Variants in NRG3 observed in about 807,000 individuals in gnomAD.
The protein encoded by NRG3 is pro-neuregulin-3, membrane-bound isoform.
NRG3 carries 31 observed loss-of-function variants against 66.9 expected under a neutral mutation model. That is an observed-to-expected ratio of 0.46 (90% confidence interval 0.35 to 0.63). NRG3 has a LOEUF of 0.63. NRG3 is among the 20% of genes least tolerant of loss of function. NRG3 has a pLI of 0.00. For missense variants in NRG3, 910 were observed against 878.9 expected, an observed-to-expected ratio of 1.04 and a Z score of -0.45; for synonymous variants, 393 against 359.4, an observed-to-expected ratio of 1.09 and a Z score of -1.06.
chr10:82,815,620 A>C (rs964315581), intron 3 of NRG3, among the ~76,000 whole-genome samples: 1 of 152,018 alleles, frequency 6.6e-6, no homozygotes, highest in African/African-American at 2.4e-5. Flanking sequence ...TCTCATTGTA[A>C]CATGTGTATA....
chr10:82,749,475 T>C (rs17100701), intron 3 of NRG3, among the ~76,000 whole-genome samples: 8,289 of 152,180 alleles, frequency 0.054, 687 homozygotes, highest in African/African-American at 0.18. Context: ...ATGTGAGCAA[T>C]CTTAGTAGGG....
chr10:82,781,346 TC>T (rs1261523982), intron 3 of NRG3, among the ~76,000 whole-genome samples: 2 of 152,174 alleles, frequency 1.3e-5, no homozygotes, highest in African/African-American at 4.8e-5. Context: ...TTCAGTTAAT[TC>T]CCATCACTCT....
At chr10:82,721,027 T>C (rs891243216) in intron 2 of NRG3, among the ~76,000 whole-genome samples, 1 of 150,944 alleles carries the variant, frequency 6.6e-6, no homozygotes, top group African/African-American at 2.4e-5. Context: ...TATTTAATTT[T>C]TGCCAACTTA....
At chr10:82,230,736 G>A (rs1280948281) in intron 1 of NRG3, among the ~76,000 whole-genome samples, 3 of 152,032 alleles carry the variant, frequency 2.0e-5, no homozygotes, top group African/African-American at 7.2e-5. Context: ...GAATGAAAAT[G>A]TTACAAAGAA....
intron 1 of NRG3, among the ~76,000 whole-genome samples, chr10:81,892,238 G>A (rs2132566678): frequency 6.6e-6 from 1 of 151,954 alleles, no homozygotes; most frequent in East Asian, 1.9e-4. Context: ...GTATGTCTGT[G>A]CATTATACAC....
chr10:82,070,419 C>T (rs2064741270), intron 1 of NRG3, among the ~76,000 whole-genome samples: 2 of 152,122 alleles, frequency 1.3e-5, no homozygotes, highest in Admixed American at 1.3e-4. Context: ...AAAATAAAGT[C>T]TGAGGAAAAT....
chr10:82,598,190 C>T (rs1251143816), intron 2 of NRG3, among the ~76,000 whole-genome samples: 1 of 152,188 alleles, frequency 6.6e-6, no homozygotes, highest in Non-Finnish European at 1.5e-5. Context: ...ATTTTGAAAA[C>T]TGTCCTTGTA....
intron 4 of NRG3, among the ~76,000 whole-genome samples, chr10:82,891,222 G>T (rs756938004): frequency 4.9e-4 from 74 of 151,672 alleles, no homozygotes; most frequent in Middle Eastern, 3.5e-3. Context: ...AGTTTGAAAA[G>T]TATTGATAAA....
At chr10:82,066,160 AT>A (rs1279199426) in intron 1 of NRG3, among the ~76,000 whole-genome samples, 1 of 152,056 alleles carries the variant, frequency 6.6e-6, no homozygotes, top group East Asian at 1.9e-4. Context: ...TAGTTTCTTT[AT>A]TTTGCCTAAA....
At chr10:82,436,811 A>G (rs1351771327) in intron 2 of NRG3, among the ~76,000 whole-genome samples, 1 of 152,130 alleles carries the variant, frequency 6.6e-6, no homozygotes, top group Non-Finnish European at 1.5e-5. Flanking sequence ...GTTTTGCTGG[A>G]TATGAAATTC....
chr10:82,561,907 A>T (rs1367376710), intron 2 of NRG3, among the ~76,000 whole-genome samples: 1 of 152,194 alleles, frequency 6.6e-6, no homozygotes, highest in Non-Finnish European at 1.5e-5. Context: ...CTTCAATATG[A>T]GGGCAATAGG....
At chr10:82,502,204 A>G (rs1844261221) in intron 2 of NRG3, among the ~76,000 whole-genome samples, 1 of 152,168 alleles carries the variant, frequency 6.6e-6, no homozygotes, top group Non-Finnish European at 1.5e-5. Context: ...TAGCAATCTA[A>G]AAGTCTCTAG....
chr10:81,948,276 A>G (rs773227264), intron 1 of NRG3, among the ~76,000 whole-genome samples: 1 of 152,190 alleles, frequency 6.6e-6, no homozygotes, highest in African/African-American at 2.4e-5. Context: ...TCCCCTACTC[A>G]GGCATAGCCT....
intron 1 of NRG3, among the ~76,000 whole-genome samples, chr10:82,018,759 T>G (rs1214314631): frequency 6.6e-6 from 1 of 152,274 alleles, no homozygotes. Flanking sequence ...TGTATAAGAA[T>G]GCTTGTGATT....
At chr10:82,947,909 A>G (rs1303035437) in intron 4 of NRG3, among the ~76,000 whole-genome samples, 6 of 152,194 alleles carry the variant, frequency 3.9e-5, no homozygotes, top group African/African-American at 1.4e-4. Context: ...GCAAATGTTA[A>G]TGTTGATAGA....
chr10:82,839,141 A>T (rs956658006), intron 3 of NRG3, among the ~76,000 whole-genome samples: 1 of 152,210 alleles, frequency 6.6e-6, no homozygotes, highest in African/African-American at 2.4e-5. Context: ...CTATATAATC[A>T]TCATCCAAAC....
chr10:82,346,276 G>C (rs1439473787), intron 1 of NRG3, among the ~76,000 whole-genome samples: 7 of 149,852 alleles, frequency 4.7e-5, no homozygotes, highest in East Asian at 3.9e-4. Flanking sequence ...TAGCATGAAG[G>C]GTTGTTGAAT....
At chr10:82,750,965 G>A (rs2058838526) in intron 3 of NRG3, among the ~76,000 whole-genome samples, 1 of 152,108 alleles carries the variant, frequency 6.6e-6, no homozygotes, top group African/African-American at 2.4e-5. Context: ...AGTACAGTTT[G>A]GGGTAAAATC....
At chr10:82,397,381 C>G (rs982882880) in intron 2 of NRG3, among the ~76,000 whole-genome samples, 2 of 152,114 alleles carry the variant, frequency 1.3e-5, no homozygotes, top group Non-Finnish European at 2.9e-5. Flanking sequence ...AAAATGTATA[C>G]ATTGAAAAGC....
Sources: allele counts gnomAD v4.1 joint callset (sites outside exome capture counted in the v4.1 genomes callset), GRCh38; gene constraint gnomAD v4.1.1; transcripts MANE v1.5; gene names NCBI Gene and HGNC (gene_info 2026-07-23, HGNC 2026-07-21).